The following TP63 variants were observed in gnomAD, a reference collection of about 807,000 sequenced individuals.
The protein encoded by TP63 is tumor protein 63.
Under a neutral mutation model 82.8 loss-of-function variants are expected in TP63, and 17 were observed. The observed-to-expected ratio is 0.21, with a 90% CI of 0.14 to 0.31. TP63 has a LOEUF of 0.31. Among genes scored for constraint, TP63 ranks in the 10% least tolerant of loss-of-function variants. The probability of loss-of-function intolerance (pLI) is 1.00; values close to 1 mark genes in which losing one functional copy is unlikely to be tolerated. For synonymous variants in TP63, 330 were observed against 321.7 expected, an observed-to-expected ratio of 1.03 and a Z score of -0.28; for missense variants, 648 against 895.3, an observed-to-expected ratio of 0.72 and a Z score of 3.52.
intron 1 of TP63, 22 bp from the exon 2 acceptor site, chr3:189,737,718 G>T: frequency 6.2e-7 from 1 of 1,612,324 alleles, no homozygotes; most frequent in Non-Finnish European, 8.5e-7. Context: ...TATAATACTA[G>T]TTTCATTTTT....
At position 189,631,438 on chromosome 3, in the gene TP63, A is replaced by G; in HGVS notation, c.-78A>G. 1 of 1,604,032 alleles carries G rather than the reference A, an allele frequency of 6.2e-7. No homozygotes were observed. Among genetic ancestry groups the G allele is most frequent in the South Asian group, 1.1e-5 (1 of 90,264 alleles). On this transcript the variant is annotated 5_prime_UTR_variant, in exon 1 of 14. The change creates a new upstream start codon in the 5' untranslated region. Coordinates refer to ENST00000264731, the MANE Select transcript of TP63 (RefSeq NM_003722.5). ...ATTGCTTTTAGCCTCCCGGCTTTAT[A>G]TCTATATATACACAGGTATATGTGT...
At chr3:189,665,848 G>T (rs148888415) in intron 1 of TP63, among the ~76,000 whole-genome samples, 119 of 152,112 alleles carry the variant, frequency 7.8e-4, no homozygotes, top group Middle Eastern at 3.4e-3. Context: ...TTAAAGGCTT[G>T]TCTTTTTTGT....
chr3:189,773,924 T>C (rs1723568422), intron 3 of TP63, among the ~76,000 whole-genome samples: 1 of 139,762 alleles, frequency 7.2e-6, no homozygotes, highest in African/African-American at 2.7e-5. Flanking sequence ...CCTTTTTTTT[T>C]TTTTTTTTTT....
intron 1 of TP63, among the ~76,000 whole-genome samples, chr3:189,721,871 A>G (rs1332398240): frequency 6.6e-6 from 1 of 152,204 alleles, no homozygotes; most frequent in East Asian, 1.9e-4. Flanking sequence ...ATTCTGATTT[A>G]ATTGAACTGG....
At chr3:189,731,596 C>G (rs1009920801) in intron 1 of TP63, among the ~76,000 whole-genome samples, 26 of 152,180 alleles carry the variant, frequency 1.7e-4, no homozygotes, top group Non-Finnish European at 2.9e-4. Context: ...AAAATGACAA[C>G]ATTTAGGGAA....
At chr3:189,677,461 CAT>C (rs1249045559) in intron 1 of TP63, among the ~76,000 whole-genome samples, 3 of 148,466 alleles carry the variant, frequency 2.0e-5, no homozygotes, top group African/African-American at 7.4e-5. Context: ...TATATATACA[CAT>C]ATATATATGG....
At chr3:189,715,039 A>G (rs370088042) in intron 1 of TP63, among the ~76,000 whole-genome samples, 3 of 152,182 alleles carry the variant, frequency 2.0e-5, no homozygotes, top group East Asian at 1.9e-4. Context: ...AGTGCAATAC[A>G]GGCAGGGTGC....
chr3:189,746,704 C>T (rs749592124), intron 3 of TP63, among the ~76,000 whole-genome samples: 5 of 151,476 alleles, frequency 3.3e-5, no homozygotes, highest in Non-Finnish European at 5.9e-5. Context: ...TAATAACAAC[C>T]TTCAATCTAA....
intron 3 of TP63, among the ~76,000 whole-genome samples, chr3:189,771,576 A>G (rs1723379550): frequency 6.7e-6 from 1 of 149,460 alleles, no homozygotes; most frequent in Non-Finnish European, 1.5e-5. Flanking sequence ...AGATACTCTC[A>G]TTTTCTTTAA....
chr3:189,804,670 A>G (rs1432823265), intron 3 of TP63, among the ~76,000 whole-genome samples: 1 of 152,214 alleles, frequency 6.6e-6, no homozygotes, highest in Non-Finnish European at 1.5e-5. Flanking sequence ...CTTCTGAAGA[A>G]TGAATTTATT....
chr3:189,677,864 T>C (rs1204291608), intron 1 of TP63, among the ~76,000 whole-genome samples: 1 of 152,158 alleles, frequency 6.6e-6, no homozygotes, highest in Non-Finnish European at 1.5e-5. Context: ...TTGAGTATTT[T>C]TTCGCATATG....
chr3:189,740,906 T>C (rs1274207530), intron 3 of TP63, among the ~76,000 whole-genome samples: 2 of 152,222 alleles, frequency 1.3e-5, no homozygotes, highest in Non-Finnish European at 2.9e-5. Context: ...TCTGGATAAT[T>C]CTTATTTGTC....
At chr3:189,605,927 T>C in the TP63 span, among the ~76,000 whole-genome samples, 1 of 152,184 alleles carries the variant, frequency 6.6e-6, no homozygotes, top group Admixed American at 6.5e-5. Context: ...GCAGAAAGAA[T>C]AGGAGACAAA....
At chr3:189,807,952 A>T (rs866203779) in intron 3 of TP63, among the ~76,000 whole-genome samples, 1 of 152,208 alleles carries the variant, frequency 6.6e-6, no homozygotes, top group Non-Finnish European at 1.5e-5. Flanking sequence ...AAGACTTCCT[A>T]AGCAGCTACT....
chr3:189,876,394 C>G (rs1719229870), intron 10 of TP63, among the ~76,000 whole-genome samples: 1 of 152,164 alleles, frequency 6.6e-6, no homozygotes, highest in East Asian at 1.9e-4. Context: ...TAATCTGTGT[C>G]CCCAGAGAAG....
intron 1 of TP63, among the ~76,000 whole-genome samples, chr3:189,690,075 A>C (rs1716794682): frequency 6.6e-6 from 1 of 152,184 alleles, no homozygotes; most frequent in South Asian, 2.1e-4. Context: ...ATAAGATGAC[A>C]TGGGTTTAAA....
At chr3:189,843,808 AGT>A (rs1450443891) in intron 4 of TP63, among the ~76,000 whole-genome samples, 3 of 152,212 alleles carry the variant, frequency 2.0e-5, no homozygotes, top group Non-Finnish European at 4.4e-5. Flanking sequence ...GCAGTAAGTC[AGT>A]GGGCAGGTAG....
At chr3:189,704,786 A>C (rs1404031429) in intron 1 of TP63, among the ~76,000 whole-genome samples, 8 of 152,236 alleles carry the variant, frequency 5.3e-5, no homozygotes, top group African/African-American at 1.9e-4. Flanking sequence ...TTGTTTCCTT[A>C]GAGCTTGGCA....
At chr3:189,778,125 C>T (rs554335438) in intron 3 of TP63, among the ~76,000 whole-genome samples, 7 of 152,214 alleles carry the variant, frequency 4.6e-5, no homozygotes, top group East Asian at 1.9e-4. Flanking sequence ...CCTTGGCCTC[C>T]CAAAGTGCTG....
Sources: gnomAD v4.1 joint callset for allele counts (sites outside exome capture counted in the v4.1 genomes callset) on GRCh38, gnomAD v4.1.1 for gene constraint, MANE v1.5 for transcripts, NCBI Gene and HGNC (gene_info 2026-07-23, HGNC 2026-07-21) for gene names.